Variants in MYOM3 observed in about 807,000 individuals in gnomAD.
The protein encoded by MYOM3 is myomesin-3.
Under a neutral mutation model 191.7 loss-of-function variants are expected in MYOM3, and 155 were observed. The ratio of observed to expected loss-of-function variants is 0.81; its 90% CI spans 0.71 to 0.92. The LOEUF (loss-of-function observed/expected upper bound fraction) is 0.92, where lower values mean the gene tolerates loss of function less well. Among genes scored for constraint, MYOM3 ranks in the 40% least tolerant of loss-of-function variants. The pLI is 0.00. For synonymous variants in MYOM3, 757 were observed against 762.9 expected (o/e 0.99, Z 0.13); for missense variants, 1,889 against 1,890.6 (o/e 1.00, Z 0.02).
At chr1:24,097,203 C>T (rs1643883046) in intron 7 of MYOM3, among the ~76,000 whole-genome samples, 1 of 152,184 alleles carries the variant, frequency 6.6e-6, no homozygotes, top group African/African-American at 2.4e-5. Context: ...TGGCTTTTGT[C>T]CCTGAGGACC....
At chr1:24,067,344 CTTTCTTTCTT>C (rs1643456293) in intron 27 of MYOM3, among the ~76,000 whole-genome samples, 1 of 74,320 alleles carries the variant, frequency 1.3e-5, no homozygotes, top group East Asian at 4.8e-4. Context: ...TTCTTTCTTT[CTTTCTTTCTT>C]TCTTTCTTTC....
At chr1:24,095,100 A>G in intron 8 of MYOM3, 110 bp from the exon 9 acceptor site, 1 of 1,193,032 alleles carries the variant, frequency 8.4e-7, no homozygotes, top group South Asian at 1.5e-5. Flanking sequence ...GGTCTTGACT[A>G]GGAGAAGGGG....
chr1:24,066,031 G>C lies in MYOM3; in HGVS notation c.3424-30C>G, dbSNP rs751070687. The stretch of plus-strand genomic sequence containing the variant: ...GGAAGGTGGGGAATGAGGAGACTCT[G>C]TCAGGCTTGTTTCTTTTTGAGTAAA... On this transcript the variant is annotated intron_variant, in intron 28 of 36. Transcript: ENST00000374434. 5.6e-6 allele frequency: 8 copies of C among 1,430,664 alleles called. No homozygotes were observed. In the South Asian group the frequency reaches 6.9e-5, roughly 12 times the overall value. 88.6% of individuals were successfully genotyped at this position (1,430,664 alleles called of 1,614,324 possible). A position where few individuals can be genotyped will look rare whatever the true frequency, so the allele number is the denominator to read the frequency against.
Position 24,071,970 on chromosome 1 carries a change from T to G in MYOM3, c.3012A>C (p.Pro1004=). 6.2e-7 allele frequency: 1 copy of G among 1,614,098 alleles called. No homozygotes were observed. The highest frequency in any genetic ancestry group is 8.5e-7 in the Non-Finnish European group (1 of 1,179,962). ...TGGTAGCTTGGACTGCTTGCTTACC[T>G]GGGTTTCTGATCTCATGACTCAGCT... ...LKKLSHEIRN[P]VIKLISGWNI... The change falls in exon 24 of 37, where the codon CCA becomes CCC. Residue 1004 remains proline (P), a splice_region_variant and synonymous_variant. Transcript: ENST00000374434.
In MYOM3 at chr1:24,105,978, G is replaced by A; in HGVS notation, c.502C>T (p.His168Tyr). The A allele has an allele frequency of 6.2e-7, 1 of 1,613,950 alleles. No individual in the cohort carries two copies. Among genetic ancestry groups the A allele is most frequent in the Non-Finnish European group, 8.5e-7 (1 of 1,179,978 alleles). The change falls in exon 5 of 37, where the codon CAC becomes TAC. Residue 168 changes from histidine (H) to tyrosine (Y), a missense_variant. Transcript: ENST00000374434. ...GTGCAGGTCAGCAGGACCGTGGTGT[G>A]CTCCCAGACGGCGTGGGAGCGAAGA... Reference protein sequence around the residue: ...IPLRSHAVWEHTTVLLTCTVQ... With the variant: ...IPLRSHAVWEYTTVLLTCTVQ...
At chr1:24,067,313 T>TTTCTTTCC (rs1643452328) in intron 27 of MYOM3, among the ~76,000 whole-genome samples, 4 of 115,764 alleles carry the variant, frequency 3.5e-5, no homozygotes, top group Non-Finnish European at 5.2e-5. Flanking sequence ...TCCTTCTTTC[T>TTTCTTTCC]TTCTTTCTTT....
rs147345655 is a variant in MYOM3, at chr1:24,110,138, A to G, written c.-18-1484T>C. Reference sequence around the variant, plus strand: ...TGAGGGCCCCCCTGATGCTAAAGCTAAAATCCCTGGAATGGCTTTCACACC... The same window carrying G: ...TGAGGGCCCCCCTGATGCTAAAGCTGAAATCCCTGGAATGGCTTTCACACC... On this transcript the variant is annotated intron_variant, in intron 1 of 36. Coordinates refer to ENST00000374434, the MANE Select transcript of MYOM3 (RefSeq NM_152372.4). 8.5e-3 allele frequency among the ~76,000 whole-genome samples: 1,289 copies of G among 152,288 alleles called. 18 individuals carry two copies. The highest frequency in any genetic ancestry group is 0.029 in the African/African-American group (1,187 of 41,554).
Position 24,089,681 on chromosome 1 carries a change from C to T in MYOM3, c.1487-16G>A, listed in dbSNP as rs143426460. 0.012 allele frequency: 19,187 copies of T among 1,564,576 alleles called. 151 individuals are homozygous for T. The highest frequency in any genetic ancestry group is 0.013 in the Non-Finnish European group (15,268 of 1,154,166). ...GTCACAGTATCTGAAATCAGAGTCA[C>T]CCGGGACCGAGATGGTTGGACCCTC... On this transcript the variant is annotated splice_polypyrimidine_tract_variant and intron_variant, in intron 13 of 36. Coordinates refer to ENST00000374434, the MANE Select transcript of MYOM3 (RefSeq NM_152372.4).
At position 24,062,072 on chromosome 1, in the gene MYOM3, C is replaced by T; in HGVS notation, c.3808G>A (p.Gly1270Ser). 1 of 1,614,094 alleles carries T rather than the reference C, an allele frequency of 6.2e-7. No individual in the cohort carries two copies. Among genetic ancestry groups the T allele is most frequent in the Non-Finnish European group, 8.5e-7 (1 of 1,180,010 alleles). The change falls in exon 33 of 37, where the codon GGC becomes AGC. Residue 1270 changes from glycine (G) to serine (S), a missense_variant. Coordinates refer to ENST00000374434, the MANE Select transcript of MYOM3 (RefSeq NM_152372.4). Reference sequence around the variant, plus strand: ...AGCCAGATCTCATCCAGGGTGGTGCCCGTCCTTATCCGATCACCACTCTCC... The same window carrying T: ...AGCCAGATCTCATCCAGGGTGGTGCTCGTCCTTATCCGATCACCACTCTCC... ...RLESGDRIRT[G>S]TTLDEIWLHI...
At chr1:24,091,818 G>A (rs1407373198) in intron 11 of MYOM3, among the ~76,000 whole-genome samples, 1 of 152,162 alleles carries the variant, frequency 6.6e-6, no homozygotes, top group Non-Finnish European at 1.5e-5. Flanking sequence ...CCTCCCTTGG[G>A]GTCAGTGCTA....
At chr1:24,088,536 C>T (rs1011499096) in intron 14 of MYOM3, among the ~76,000 whole-genome samples, 2 of 152,222 alleles carry the variant, frequency 1.3e-5, no homozygotes, top group African/African-American at 4.8e-5. Context: ...CCAACATCTT[C>T]ACCATGATAC....
rs1021660515 is a variant in MYOM3, at chr1:24,061,152, T to C, written c.3972-70A>G. ...AAGGACAGTCCAGCCCAGGTGGAGG[T>C]GAGGGGTGATGAAGGAAAGGTGGAG... On this transcript the variant is annotated intron_variant, in intron 34 of 36. Coordinates refer to ENST00000374434, the MANE Select transcript of MYOM3 (RefSeq NM_152372.4). 6.8e-6 allele frequency: 11 copies of C among 1,607,240 alleles called. No homozygotes were observed. The Admixed American group carries it at 1.8e-4, about 27-fold the overall frequency.
At chr1:24,086,452 G>A (rs1015178540) in intron 15 of MYOM3, among the ~76,000 whole-genome samples, 192 bp downstream of exon 15, 3 of 152,136 alleles carry the variant, frequency 2.0e-5, no homozygotes, top group African/African-American at 7.2e-5. Flanking sequence ...CCCTCCATGA[G>A]CCTTCTGCCC....
intron 1 of MYOM3, among the ~76,000 whole-genome samples, chr1:24,110,308 C>T (rs1425141468): frequency 6.6e-6 from 1 of 151,824 alleles, no homozygotes; most frequent in Non-Finnish European, 1.5e-5. Context: ...CTGGCCCCTG[C>T]CTCTCTAGAG....
chr1:24,095,785 C>A (rs764454635), intron 7 of MYOM3, among the ~76,000 whole-genome samples: 1 of 152,146 alleles, frequency 6.6e-6, no homozygotes, highest in Non-Finnish European at 1.5e-5. Flanking sequence ...CCAAACTTGC[C>A]CCCAGGATTA....
At chr1:24,074,059 C>T in intron 23 of MYOM3, 101 bp downstream of exon 23, 1 of 844,792 alleles carries the variant, frequency 1.2e-6, no homozygotes, top group Non-Finnish European at 1.9e-6. Flanking sequence ...GTGGAAATTG[C>T]CACTTTACTC....
chr1:24,093,750 G>T (rs1001753631), intron 9 of MYOM3, among the ~76,000 whole-genome samples: 1 of 152,136 alleles, frequency 6.6e-6, no homozygotes, highest in Non-Finnish European at 1.5e-5. Context: ...AGATCTACAC[G>T]TTTGGGAAGA....
chr1:24,063,656 G>T lies in MYOM3; in HGVS notation c.3623-126C>A. The T allele has an allele frequency of 1.9e-6, 2 of 1,053,864 alleles. No individual in the cohort carries two copies. The highest frequency in any genetic ancestry group is 2.6e-5 in the East Asian group (1 of 39,166). The allele number at this position is 1,053,864 out of a possible 1,614,324, so 65.3% of individuals were successfully genotyped here. A position where few individuals can be genotyped will look rare whatever the true frequency, so the allele number is the denominator to read the frequency against. ...TGCTCTCAGGGGGACAGGCAACTCTGTAGGATGACTCTCATAGCTTGGGGA... is the reference window on the plus strand; with the variant it reads ...TGCTCTCAGGGGGACAGGCAACTCTTTAGGATGACTCTCATAGCTTGGGGA... On this transcript the variant is annotated intron_variant, in intron 30 of 36. Transcript: ENST00000374434. The surrounding 1 kb of genome is among the most constrained non-coding windows in gnomAD (Gnocchi z 4.5).
chr1:24,056,527 C>T lies in MYOM3; in HGVS notation c.*837G>A, dbSNP rs1162794208. On this transcript the variant is annotated 3_prime_UTR_variant, in exon 37 of 37. Transcript: ENST00000374434. The stretch of plus-strand genomic sequence containing the variant: ...GGGATTACAGGCACCTGCCACCATG[C>T]CTGGCTAATTTTTGTATTTTTAGTA... The T allele has an allele frequency of 6.6e-6, 1 of 152,232 alleles. No homozygotes were observed. The highest frequency in any genetic ancestry group is 2.4e-5 in the African/African-American group (1 of 41,440). The allele number at this position is 152,232 out of a possible 1,614,324, so 9.4% of individuals were successfully genotyped here. A position where few individuals can be genotyped will look rare whatever the true frequency, so the allele number is the denominator to read the frequency against.
Sources: allele counts gnomAD v4.1 joint callset (sites outside exome capture counted in the v4.1 genomes callset), GRCh38; gene constraint gnomAD v4.1.1; non-coding constraint Gnocchi (gnomAD v3.1); transcripts MANE v1.5; gene names NCBI Gene and HGNC (gene_info 2026-07-23, HGNC 2026-07-21).